The following CASP6 variants were observed in gnomAD, a reference collection of about 807,000 sequenced individuals.
CASP6 encodes the protein caspase 6, also known as caspase-6.
In CASP6, 20 loss-of-function variants were observed where a neutral mutation model predicts 31.8. The ratio of observed to expected loss-of-function variants is 0.63; its 90% CI spans 0.44 to 0.91. The LOEUF (loss-of-function observed/expected upper bound fraction) is 0.91, where lower values mean the gene tolerates loss of function less well. Among genes scored for constraint, CASP6 ranks in the 40% least tolerant of loss-of-function variants. The pLI is 0.00. For synonymous variants in CASP6, 130 were observed against 127.8 expected (o/e 1.02, Z -0.12); for missense variants, 328 against 361.1 (o/e 0.91, Z 0.74).
At chr4:109,682,772 G>T in the CASP6 span, 1 of 1,554,392 alleles carries the variant, frequency 6.4e-7, no homozygotes, top group South Asian at 1.2e-5. Context: ...GAGTATATTT[G>T]AAAATAATAC....
chr4:109,665,666 TTTG>T, the CASP6 span, among the ~76,000 whole-genome samples: 565 of 152,350 alleles, frequency 3.7e-3, 16 homozygotes, highest in South Asian at 0.059. Flanking sequence ...TTTCATTCAT[TTTG>T]TTGTTGTTGT....
rs1730028933 is a variant in CASP6, at chr4:109,690,861, G to C, written c.632C>G (p.Ser211Cys). The C allele has an allele frequency of 1.2e-6, 2 of 1,610,092 alleles. No homozygotes were observed. The highest frequency in any genetic ancestry group is 1.1e-5 in the South Asian group (1 of 90,208). ...PAGADFLMCY[S>C]VAEGYYSHRE... is the part of the protein sequence containing the mutation. ...TAAACACCACACACCTTCTGCAACA[G>C]AGTAACACATGAGGAAGTCAGCTCC... Residue 211 changes from serine (S) to cysteine (C), a missense_variant, in exon 6 of 7, where the codon TCT becomes TGT. Physicochemically the swap from Ser to Cys is moderately radical, Grantham distance 112 (BLOSUM62 -1). Coordinates refer to ENST00000265164, the MANE Select transcript of CASP6 (RefSeq NM_001226.4).
chr4:109,704,433 G>C (rs917215567), upstream of CASP6, among the ~76,000 whole-genome samples: 1 of 152,210 alleles, frequency 6.6e-6, no homozygotes, highest in African/African-American at 2.4e-5. Context: ...GAAAGTTCTA[G>C]TTGGTCTGGA....
At chr4:109,695,068 G>T (rs1011800603) in intron 4 of CASP6, among the ~76,000 whole-genome samples, 1 of 152,088 alleles carries the variant, frequency 6.6e-6, no homozygotes, top group Admixed American at 6.6e-5. Context: ...GACCTCAGGT[G>T]ATCCACCTCG....
chr4:109,689,032 A>C lies in CASP6; in HGVS notation c.*298T>G, dbSNP rs373006398. The C allele has an allele frequency of 4.2e-6, 1 of 239,248 alleles. No homozygotes were observed. Among genetic ancestry groups the C allele is most frequent in the East Asian group, 8.8e-5 (1 of 11,342 alleles). The allele number at this position is 239,248 out of a possible 1,614,324, so 14.8% of individuals were successfully genotyped here. On this transcript the variant is annotated 3_prime_UTR_variant, in exon 7 of 7. Coordinates refer to ENST00000265164, the MANE Select transcript of CASP6 (RefSeq NM_001226.4). ...CACTCGTTGCCCAGGCTGGAGTGCA[A>C]TGGCGCAATCTCGGCTCACCGCAGC...
chr4:109,670,391 A>G, the CASP6 span, among the ~76,000 whole-genome samples: 1 of 151,978 alleles, frequency 6.6e-6, no homozygotes, highest in East Asian at 1.9e-4. Flanking sequence ...GCTCTGGGAA[A>G]ATAATTTACC....
downstream of CASP6, chr4:109,684,734 T>TA (rs1729798424): frequency 1.5e-6 from 1 of 660,416 alleles, no homozygotes; most frequent in African/African-American, 1.8e-5. Flanking sequence ...CCTTTTTATT[T>TA]ACTGAATTAC....
At chr4:109,670,417 G>T in the CASP6 span, among the ~76,000 whole-genome samples, 1 of 152,024 alleles carries the variant, frequency 6.6e-6, no homozygotes, top group Non-Finnish European at 1.5e-5. Context: ...GACAGTCCTT[G>T]TTAAGAGTAA....
At position 109,689,312 on chromosome 4, in the gene CASP6, T is replaced by TTAGA. The variant is rs762256412; in HGVS notation, c.*14_*17dup. The TTAGA allele has an allele frequency of 2.1e-5, 34 of 1,608,036 alleles. 1 individual carries two copies. Among genetic ancestry groups the TTAGA allele is most frequent in the Admixed American group, 8.4e-5 (5 of 59,796 alleles). On this transcript the variant is annotated 3_prime_UTR_variant, in exon 7 of 7. Transcript: ENST00000265164. ...GCCATTTTCAATACAGAGTGTAAAA[T>TTAGA]TAGATAGCCTCTATTAATTAATTAG...
At chr4:109,665,821 G>C in the CASP6 span, among the ~76,000 whole-genome samples, 3 of 152,018 alleles carry the variant, frequency 2.0e-5, no homozygotes, top group Non-Finnish European at 4.4e-5. Flanking sequence ...TGGCAGGGGT[G>C]GGGGCGCATG....
chr4:109,664,556 C>G, the CASP6 span, among the ~76,000 whole-genome samples: 1 of 152,028 alleles, frequency 6.6e-6, no homozygotes, highest in Non-Finnish European at 1.5e-5. Context: ...TCCAGAGTAG[C>G]TGGGACTACC....
chr4:109,696,298 A>G, intron 4 of CASP6, 112 bp downstream of exon 4: 1 of 745,586 alleles, frequency 1.3e-6, no homozygotes, highest in African/African-American at 1.7e-5. Flanking sequence ...CCTGTGCTAA[A>G]TTAATACTTT....
At chr4:109,703,180 C>G (rs71603038) in intron 1 of CASP6, among the ~76,000 whole-genome samples, 176 bp downstream of exon 1, 49 of 152,156 alleles carry the variant, frequency 3.2e-4, no homozygotes, top group Non-Finnish European at 6.2e-4. Context: ...CGAAACCGTC[C>G]CCACCCGCCC....
the CASP6 span, chr4:109,682,963 G>C: frequency 9.4e-6 from 4 of 427,632 alleles, no homozygotes; most frequent in African/African-American, 8.2e-5. Context: ...CTGGACTTGA[G>C]CTCACGTGGC....
intron 1 of CASP6, 101 bp from the exon 2 acceptor site, chr4:109,698,443 C>G (rs1476910096): frequency 1.0e-6 from 1 of 983,526 alleles, no homozygotes; most frequent in Non-Finnish European, 1.5e-6. Flanking sequence ...TCTTAAGACC[C>G]TTCTGTTTTG....
upstream of CASP6, chr4:109,703,449 C>A (rs1001253754): frequency 3.8e-6 from 6 of 1,589,130 alleles, no homozygotes; most frequent in Non-Finnish European, 5.1e-6. Context: ...AAGCCACAGG[C>A]TCCCGGGCCC....
chr4:109,707,938 A>G (rs9999936), upstream of CASP6, among the ~76,000 whole-genome samples: 3,412 of 152,294 alleles, frequency 0.022, 114 homozygotes, highest in African/African-American at 0.078. Context: ...TTCAGATTTG[A>G]TGAAACGGTG....
At chr4:109,706,170 T>TATAC (rs1452145399), upstream of CASP6, among the ~76,000 whole-genome samples, 78 of 88,990 alleles carry the variant, frequency 8.8e-4, no homozygotes, top group African/African-American at 3.3e-3. Flanking sequence ...TATATATATA[T>TATAC]ACACACACAC....
the CASP6 span, among the ~76,000 whole-genome samples, chr4:109,676,650 G>A: frequency 6.6e-6 from 1 of 152,126 alleles, no homozygotes. Context: ...TCTGCTCCTA[G>A]TACCAATTTT....
Sources: allele counts gnomAD v4.1 joint callset (sites outside exome capture counted in the v4.1 genomes callset), GRCh38; gene constraint gnomAD v4.1.1; transcripts MANE v1.5; gene names NCBI Gene and HGNC (gene_info 2026-07-23, HGNC 2026-07-21).